Variants in TRPA1 observed in about 807,000 individuals in gnomAD.
TRPA1 encodes transient receptor potential cation channel subfamily A member 1.
A neutral mutation model predicts 131.3 loss-of-function variants in TRPA1; 129 were observed. The ratio of observed to expected loss-of-function variants is 0.98; its 90% CI spans 0.85 to 1.14. The LOEUF (loss-of-function observed/expected upper bound fraction) is 1.14, where lower values mean the gene tolerates loss of function less well. Among genes scored for constraint, TRPA1 ranks in the 50% most tolerant of loss-of-function variants. The pLI is 0.00. For synonymous variants in TRPA1, 441 were observed against 451.7 expected, an observed-to-expected ratio of 0.98 and a Z score of 0.30; for missense variants, 1,304 against 1,354.2, an observed-to-expected ratio of 0.96 and a Z score of 0.58.
intron 2 of TRPA1, among the ~76,000 whole-genome samples, chr8:72,069,856 C>A (rs966017925): frequency 3.3e-5 from 5 of 151,826 alleles, no homozygotes; most frequent in Non-Finnish European, 5.9e-5. Flanking sequence ...GTTACTGGGA[C>A]AATAATACTA....
chr8:72,083,201 T>C, the TRPA1 span, among the ~76,000 whole-genome samples: 1 of 152,196 alleles, frequency 6.6e-6, no homozygotes, highest in Admixed American at 6.5e-5. Context: ...ATATTTTCCT[T>C]TCATTCTTTG....
intron 10 of TRPA1, 192 bp from the exon 11 acceptor site, chr8:72,056,047 G>A (rs1241375026): frequency 1.6e-6 from 1 of 629,972 alleles, no homozygotes. Context: ...TCTTCATTTA[G>A]TGTACATTAC....
intron 23 of TRPA1, 74 bp from the exon 24 acceptor site, chr8:72,030,043 T>C: frequency 7.4e-7 from 1 of 1,352,390 alleles, no homozygotes; most frequent in South Asian, 1.2e-5. Context: ...TCTGTCTTAG[T>C]CCATTCAGAC....
upstream of TRPA1, among the ~76,000 whole-genome samples, chr8:72,079,211 C>A (rs561370397): frequency 2.5e-4 from 38 of 151,826 alleles, no homozygotes; most frequent in African/African-American, 8.2e-4. Context: ...CTTAATAGTG[C>A]CTTTTGAAAA....
chr8:72,071,588 G>A, intron 2 of TRPA1, 123 bp downstream of exon 2: 1 of 1,123,036 alleles, frequency 8.9e-7, no homozygotes, highest in Non-Finnish European at 1.3e-6. Flanking sequence ...ACAATTCTAA[G>A]TGAAATATAT....
chr8:72,047,586 C>T (rs539479273), intron 15 of TRPA1, among the ~76,000 whole-genome samples: 55 of 152,200 alleles, frequency 3.6e-4, no homozygotes, highest in African/African-American at 1.3e-3. Flanking sequence ...ATTCTAAACG[C>T]TCCAAAATCC....
rs3779752 is a variant in TRPA1 at position 72,057,028 on chromosome 8, A to C, written c.1094-11T>G. 241,415 of 1,562,440 alleles carry C rather than the reference A, an allele frequency of 0.15. 20,056 individuals carry two copies. The highest frequency in any genetic ancestry group is 0.29 in the East Asian group (12,445 of 43,432). ...TGTCTACTTGGGCACCTAAAAAAAAACACTATGTAAATATAAATTCTATTC... is the reference window on the plus strand; with the variant it reads ...TGTCTACTTGGGCACCTAAAAAAAACCACTATGTAAATATAAATTCTATTC... On this transcript the variant is annotated splice_polypyrimidine_tract_variant and intron_variant, in intron 9 of 26. Coordinates refer to ENST00000262209, the MANE Select transcript of TRPA1 (RefSeq NM_007332.3).
At chr8:72,031,171 G>A (rs1054301147) in intron 23 of TRPA1, among the ~76,000 whole-genome samples, 1 of 152,168 alleles carries the variant, frequency 6.6e-6, no homozygotes, top group African/African-American at 2.4e-5. Context: ...CTAGCACTGA[G>A]AACTGGATAT....
At chr8:72,053,277 C>CT (rs34289154) in intron 13 of TRPA1, 25,932 of 183,264 alleles carry the variant, frequency 0.14, 1,622 homozygotes, top group Middle Eastern at 0.26. Context: ...CACTTAAAGA[C>CT]TTTTTTTTTT....
At chr8:72,085,990 T>C in the TRPA1 span, among the ~76,000 whole-genome samples, 1 of 152,100 alleles carries the variant, frequency 6.6e-6, no homozygotes, top group Non-Finnish European at 1.5e-5. Flanking sequence ...AACCTCTGCC[T>C]CCCGGGTTCA....
In TRPA1 at chr8:72,065,488, G is replaced by T. The variant is rs144784837; in HGVS notation, c.515C>A (p.Ala172Glu). 3 of 1,613,368 alleles carry T rather than the reference G, an allele frequency of 1.9e-6. No homozygotes were observed. Among genetic ancestry groups the T allele is most frequent in the Non-Finnish European group, 2.5e-6 (3 of 1,179,644 alleles). Residue 172 changes from alanine to glutamate, a missense_variant, in exon 4 of 27, where the codon GCG becomes GAG. Coordinates refer to ENST00000262209, the MANE Select transcript of TRPA1 (RefSeq NM_007332.3). ...GENGNTAVII[A>E]CTTNNSEALQ... ...TGCTTCGCTATTATTTGTGGTGCAC[G>T]CAATGATCACAGCTGTGTTTCCATT...
intron 24 of TRPA1, among the ~76,000 whole-genome samples, chr8:72,028,217 G>A (rs1321538361): frequency 1.3e-5 from 2 of 152,170 alleles, no homozygotes; most frequent in Admixed American, 6.5e-5. Flanking sequence ...TTGCAGAAGG[G>A]CTGATAATAA....
chr8:72,068,025 C>T (rs935201178), intron 3 of TRPA1, among the ~76,000 whole-genome samples: 1 of 152,206 alleles, frequency 6.6e-6, no homozygotes, highest in Admixed American at 6.5e-5. Flanking sequence ...AGCACATGAA[C>T]ATTTGATTCC....
chr8:72,038,760 T>G, intron 19 of TRPA1, 105 bp downstream of exon 19: 2 of 978,702 alleles, frequency 2.0e-6, no homozygotes, highest in Non-Finnish European at 3.0e-6. Context: ...ACAGGCTATT[T>G]ATAATAAAGT....
the TRPA1 span, among the ~76,000 whole-genome samples, chr8:72,088,680 A>C: frequency 6.6e-6 from 1 of 152,126 alleles, no homozygotes; most frequent in Non-Finnish European, 1.5e-5. Flanking sequence ...AATTTTGTTT[A>C]ATATGGATAA....
chr8:72,024,934 A>G (rs1811533453), intron 25 of TRPA1, among the ~76,000 whole-genome samples: 1 of 152,178 alleles, frequency 6.6e-6, no homozygotes, highest in Non-Finnish European at 1.5e-5. Flanking sequence ...CCTGAAAAGA[A>G]CTCAGGAAGA....
intron 23 of TRPA1, 91 bp downstream of exon 23, chr8:72,033,553 G>T: frequency 8.1e-7 from 1 of 1,230,290 alleles, no homozygotes; most frequent in Non-Finnish European, 1.1e-6. Context: ...GATCTCCCCA[G>T]TGGAGGAAGA....
rs763479125 is a variant in TRPA1, at chr8:72,022,870, AC to A, written c.*35del. ...GAAAGTTAGAACCAGCAAGTCATGCACCCCCCATTAGAAGCCTCACTGAAGG... is the reference window on the plus strand; with the variant it reads ...GAAAGTTAGAACCAGCAAGTCATGCACCCCCATTAGAAGCCTCACTGAAGG... On this transcript the variant is annotated 3_prime_UTR_variant, in exon 27 of 27. Coordinates refer to ENST00000262209, the MANE Select transcript of TRPA1 (RefSeq NM_007332.3). 3 of 1,582,146 alleles carry A rather than the reference AC, an allele frequency of 1.9e-6. No homozygotes were observed. Among genetic ancestry groups the A allele is most frequent in the Non-Finnish European group, 1.7e-6 (2 of 1,151,848 alleles).
rs554414125 is a variant in TRPA1 at position 72,065,394 on chromosome 8, C to T, written c.552+57G>A. On this transcript the variant is annotated intron_variant, in intron 4 of 26. Transcript: ENST00000262209. Reference sequence around the variant, plus strand: ...AAGAGATTTTGTAAATAATAATAATCCATGTTGTATTCATGAAAAGATAAA... The same window carrying T: ...AAGAGATTTTGTAAATAATAATAATTCATGTTGTATTCATGAAAAGATAAA... 5.3e-6 allele frequency: 7 copies of T among 1,309,938 alleles called. No individual in the cohort carries two copies. The East Asian group carries it at 1.7e-4, about 32-fold the overall frequency. The allele number at this position is 1,309,938 out of a possible 1,614,324, so 81.1% of individuals were successfully genotyped here.
Sources: allele counts gnomAD v4.1 joint callset (sites outside exome capture counted in the v4.1 genomes callset), GRCh38; gene constraint gnomAD v4.1.1; transcripts MANE v1.5; gene names NCBI Gene and HGNC (gene_info 2026-07-23, HGNC 2026-07-21).